The following ME2 variants were observed in gnomAD, a reference collection of about 807,000 sequenced individuals.
ME2 encodes the protein malic enzyme 2.
A neutral mutation model predicts 73.7 loss-of-function variants in ME2; 60 were observed. That is an observed-to-expected ratio of 0.81 (90% CI 0.66 to 1.01). ME2 has a LOEUF of 1.01. Among genes scored for constraint, ME2 ranks in the 50% least tolerant of loss-of-function variants. The probability of loss-of-function intolerance (pLI) is 0.00; values close to 1 mark genes in which losing one functional copy is unlikely to be tolerated. For missense variants in ME2, 594 were observed against 705.5 expected, an observed-to-expected ratio of 0.84 and a Z score of 1.79; for synonymous variants, 199 against 236.9, an observed-to-expected ratio of 0.84 and a Z score of 1.47.
At chr18:50,924,019 T>TAGA in intron 10 of ME2, 79 bp from the exon 11 acceptor site, 1 of 855,688 alleles carries the variant, frequency 1.2e-6, no homozygotes, top group Non-Finnish European at 1.9e-6. Context: ...AAACAATGTG[T>TAGA]AACTCATAAT....
chr18:50,929,688 TC>T (rs1917648990), intron 12 of ME2, among the ~76,000 whole-genome samples: 1 of 152,100 alleles, frequency 6.6e-6, no homozygotes, highest in African/African-American at 2.4e-5. Flanking sequence ...AAAATTAGTC[TC>T]TTTAGTATAC....
At position 50,912,809 on chromosome 18, in the gene ME2, A is replaced by G. The variant is rs1216260397; in HGVS notation, c.251A>G (p.Tyr84Cys). The G allele has an allele frequency of 6.3e-7, 1 of 1,593,812 alleles. No individual in the cohort carries two copies. Among genetic ancestry groups the G allele is most frequent in the East Asian group, 2.2e-5 (1 of 44,504 alleles). ...KMTSPLEKYI[Y>C]IMGIQERNEK... ...ACTGTGCTTCATTTCAGATATATCT[A>G]CATAATGGGAATACAAGAAAGAAAT... The change falls in exon 4 of 16, where the codon TAC becomes TGC. Residue 84 changes from tyrosine to cysteine, a missense_variant. Coordinates refer to ENST00000321341, the MANE Select transcript of ME2 (RefSeq NM_002396.5).
intron 10 of ME2, 97 bp downstream of exon 10, chr18:50,921,284 T>G: frequency 1.9e-5 from 11 of 592,736 alleles, no homozygotes; most frequent in Non-Finnish European, 3.1e-5. Context: ...CTCATTGGAG[T>G]CTCCAAATTA....
At chr18:50,927,273 A>T (rs577386954) in intron 12 of ME2, among the ~76,000 whole-genome samples, 2 of 152,170 alleles carry the variant, frequency 1.3e-5, no homozygotes, top group Admixed American at 1.3e-4. Context: ...AGCAGCTATA[A>T]TTGCTAGACT....
intron 1 of ME2, among the ~76,000 whole-genome samples, chr18:50,884,124 GT>G (rs901854978): frequency 1.3e-5 from 2 of 150,352 alleles, no homozygotes; most frequent in African/African-American, 4.9e-5. Context: ...TTTTCCTTAA[GT>G]TTTTTTTTAA....
rs1458385749 is a variant in ME2 at position 50,948,368 on chromosome 18, A to G, written c.*1184A>G. 2 of 152,128 alleles carry G rather than the reference A, an allele frequency of 1.3e-5. No individual in the cohort carries two copies. 9.4% of individuals were successfully genotyped at this position (152,128 alleles called of 1,614,324 possible). ...ATATTGAAGAATTCTAAAGGAAAAT[A>G]TATCTGCCTACCATGCTTGCTCTTA... On this transcript the variant is annotated 3_prime_UTR_variant, in exon 16 of 16. Transcript: ENST00000321341.
intron 12 of ME2, among the ~76,000 whole-genome samples, chr18:50,928,307 G>A (rs1281528849): frequency 6.7e-6 from 1 of 149,144 alleles, no homozygotes; most frequent in Non-Finnish European, 1.5e-5. Flanking sequence ...GTGCAGTGGC[G>A]TCATCTCACC....
intron 1 of ME2, among the ~76,000 whole-genome samples, chr18:50,894,558 A>T (rs1916687865): frequency 8.1e-6 from 1 of 123,722 alleles, no homozygotes; most frequent in Non-Finnish European, 1.6e-5. Flanking sequence ...ACAGAAAGAG[A>T]CTCCATCTCA....
chr18:50,939,718 G>A, intron 14 of ME2, 78 bp downstream of exon 14: 1 of 977,776 alleles, frequency 1.0e-6, no homozygotes, highest in Non-Finnish European at 1.6e-6. Context: ...AAGGCAGAGA[G>A]AGAATGGGTT....
At chr18:50,926,852 T>C (rs1917564752) in intron 12 of ME2, among the ~76,000 whole-genome samples, 1 of 152,232 alleles carries the variant, frequency 6.6e-6, no homozygotes, top group Admixed American at 6.5e-5. Flanking sequence ...TAGTAATTTA[T>C]TAATTTAGTA....
chr18:50,935,943 A>G (rs1917809194), intron 13 of ME2, among the ~76,000 whole-genome samples: 1 of 152,130 alleles, frequency 6.6e-6, no homozygotes, highest in Admixed American at 6.5e-5. Flanking sequence ...AGAAATGAGA[A>G]TGAAGCAGAG....
At chr18:50,890,787 G>A (rs1260981427) in intron 1 of ME2, among the ~76,000 whole-genome samples, 1 of 152,044 alleles carries the variant, frequency 6.6e-6, no homozygotes, top group Admixed American at 6.6e-5. Context: ...CTAATTTCCA[G>A]TATAAAACCT....
Position 50,947,121 on chromosome 18 carries a change from C to G in ME2, c.1692C>G (p.Ser564=), listed in dbSNP as rs751407952. ...KERTWRSEYD[S]LLPDVYEWPE... The stretch of plus-strand genomic sequence containing the variant: ...GAACATGGCGGAGTGAATATGATTC[C>G]CTGCTGCCAGATGTGTATGAATGGC... Residue 564 remains serine, a synonymous_variant, in exon 16 of 16, where the codon TCC becomes TCG. Coordinates refer to ENST00000321341, the MANE Select transcript of ME2 (RefSeq NM_002396.5). 2 of 1,613,938 alleles carry G rather than the reference C, an allele frequency of 1.2e-6. No individual in the cohort carries two copies. The highest frequency in any genetic ancestry group is 2.2e-5 in the South Asian group (2 of 91,060).
intron 2 of ME2, among the ~76,000 whole-genome samples, chr18:50,902,485 G>C (rs548070765): frequency 3.1e-4 from 47 of 152,198 alleles, no homozygotes; most frequent in African/African-American, 1.1e-3. Flanking sequence ...CACATCCTCC[G>C]CTCCCAGGTT....
intron 3 of ME2, 63 bp from the exon 4 acceptor site, chr18:50,912,738 T>A: frequency 7.7e-7 from 1 of 1,296,112 alleles, no homozygotes; most frequent in Non-Finnish European, 1.0e-6. Context: ...TTAACTTTCA[T>A]AAGCCAAGAC....
At chr18:50,946,889 G>A (rs1918096172) in intron 15 of ME2, 128 bp from the exon 16 acceptor site, 2 of 727,320 alleles carry the variant, frequency 2.7e-6, no homozygotes, top group Admixed American at 4.9e-5. Context: ...TCAAAGCAAT[G>A]TTATTTTTTA....
chr18:50,901,441 G>A (rs1290116420), intron 2 of ME2, among the ~76,000 whole-genome samples: 2 of 152,196 alleles, frequency 1.3e-5, no homozygotes, highest in Non-Finnish European at 2.9e-5. Flanking sequence ...GTGCTTTAAA[G>A]TATGAAATGA....
rs116254533 is a variant in ME2, at chr18:50,950,896, T to G, written c.*3712T>G. Reference sequence around the variant, plus strand: ...GGATACTGCATGTAGTGAGCAGTTCTTTAGCGTTTATGTGTCATATACTTC... The same window carrying G: ...GGATACTGCATGTAGTGAGCAGTTCGTTAGCGTTTATGTGTCATATACTTC... On this transcript the variant is annotated 3_prime_UTR_variant, in exon 16 of 16. Transcript: ENST00000321341. 8.9e-4 allele frequency: 135 copies of G among 152,322 alleles called. No individual in the cohort carries two copies. Among genetic ancestry groups the G allele is most frequent in the African/African-American group, 3.2e-3 (131 of 41,560 alleles). 9.4% of individuals were successfully genotyped at this position (152,322 alleles called of 1,614,324 possible). A position where few individuals can be genotyped will look rare whatever the true frequency, so the allele number is the denominator to read the frequency against.
Position 50,920,773 on chromosome 18 carries a change from C to A in ME2, c.942+15C>A, listed in dbSNP as rs766182822. ...GAGCAGGAGAGGTAAGTTTTGAAGG[C>A]TTTTTGAAACTTAAGCCTATCCTCT... On this transcript the variant is annotated intron_variant, in intron 9 of 15. Coordinates refer to ENST00000321341, the MANE Select transcript of ME2 (RefSeq NM_002396.5). 2 of 1,552,406 alleles carry A rather than the reference C, an allele frequency of 1.3e-6. No individual in the cohort carries two copies. The highest frequency in any genetic ancestry group is 2.2e-5 in the East Asian group (1 of 44,540).
Sources: allele counts gnomAD v4.1 joint callset (sites outside exome capture counted in the v4.1 genomes callset), GRCh38; gene constraint gnomAD v4.1.1; transcripts MANE v1.5; gene names NCBI Gene and HGNC (gene_info 2026-07-23, HGNC 2026-07-21).